Variants in CHODL observed in about 807,000 individuals in gnomAD.
CHODL encodes the protein chondrolectin.
Under a neutral mutation model 34.5 loss-of-function variants are expected in CHODL, and 29 were observed. That is an observed-to-expected ratio of 0.84 (90% confidence interval 0.63 to 1.15). CHODL has a LOEUF of 1.15. CHODL is among the 50% of genes most tolerant of loss of function. The pLI is 0.00. For synonymous variants in CHODL, 125 were observed against 116.1 expected, an observed-to-expected ratio of 1.08 and a Z score of -0.49; for missense variants, 332 against 332.5, an observed-to-expected ratio of 1.00 and a Z score of 0.01.
intron 2 of CHODL, among the ~76,000 whole-genome samples, chr21:18,112,413 A>T (rs1211150016): frequency 6.6e-6 from 1 of 152,196 alleles, no homozygotes; most frequent in Non-Finnish European, 1.5e-5. Context: ...TGAAAAAAAA[A>T]TCCAAAAATT....
chr21:17,994,963 C>A (rs1486335115), intron 1 of CHODL, among the ~76,000 whole-genome samples: 1 of 152,092 alleles, frequency 6.6e-6, no homozygotes, highest in Non-Finnish European at 1.5e-5. Flanking sequence ...CTTTGGCTTC[C>A]TTTGTTTGTG....
chr21:18,174,152 T>TATATATATATATAA (rs1568923201), intron 2 of CHODL, among the ~76,000 whole-genome samples: 33 of 125,818 alleles, frequency 2.6e-4, no homozygotes, highest in African/African-American at 9.5e-4. Flanking sequence ...TATATATATA[T>TATATATATATATAA]ATATATATAA....
chr21:18,046,972 A>C (rs1464114545), intron 2 of CHODL, among the ~76,000 whole-genome samples: 1 of 151,968 alleles, frequency 6.6e-6, no homozygotes, highest in Non-Finnish European at 1.5e-5. Flanking sequence ...CATAGAGTGT[A>C]ATGTCAGTTT....
chr21:17,928,316 A>G (rs1162244316), intron 1 of CHODL, among the ~76,000 whole-genome samples: 4 of 152,202 alleles, frequency 2.6e-5, no homozygotes, highest in Non-Finnish European at 2.9e-5. Context: ...AAGGTACAGT[A>G]TAGATCATTA....
intron 1 of CHODL, among the ~76,000 whole-genome samples, chr21:18,251,425 T>A (rs1216736735): frequency 1.1e-4 from 2 of 17,742 alleles, no homozygotes; most frequent in Non-Finnish European, 1.9e-4. Flanking sequence ...TTTATTTTAT[T>A]TATTTATTTT....
At chr21:18,116,299 TTCTC>T (rs147682135) in intron 2 of CHODL, among the ~76,000 whole-genome samples, 1 of 151,616 alleles carries the variant, frequency 6.6e-6, no homozygotes, top group Non-Finnish European at 1.5e-5. Flanking sequence ...TTAAACTTAT[TTCTC>T]TCTCTCTCTC....
At chr21:18,214,034 C>T (rs2073799518) in intron 2 of CHODL, among the ~76,000 whole-genome samples, 1 of 152,018 alleles carries the variant, frequency 6.6e-6, no homozygotes, top group Non-Finnish European at 1.5e-5. Flanking sequence ...AGTCTTTTCT[C>T]AAGAAGTTCA....
At chr21:17,968,808 G>A (rs995818959) in intron 1 of CHODL, among the ~76,000 whole-genome samples, 1 of 152,118 alleles carries the variant, frequency 6.6e-6, no homozygotes, top group African/African-American at 2.4e-5. Context: ...TATTCTTACT[G>A]TTGATTCCCC....
At chr21:18,028,573 C>T (rs999196092) in intron 2 of CHODL, among the ~76,000 whole-genome samples, 1 of 151,558 alleles carries the variant, frequency 6.6e-6, no homozygotes, top group African/African-American at 2.4e-5. Flanking sequence ...GTGGCAGGTG[C>T]TTGTAATCCC....
chr21:18,100,061 CAATT>C (rs2065193720), intron 2 of CHODL: 1 of 151,934 alleles, frequency 6.6e-6, no homozygotes, highest in East Asian at 1.9e-4. Flanking sequence ...AAAATAAAGA[CAATT>C]AAACAATCCA....
At chr21:18,197,081 C>T (rs558107965) in intron 2 of CHODL, among the ~76,000 whole-genome samples, 2 of 152,194 alleles carry the variant, frequency 1.3e-5, no homozygotes, top group South Asian at 4.1e-4. Flanking sequence ...TGTATATGTA[C>T]ATCAAAATAT....
chr21:17,925,865 A>G (rs1294298506), intron 1 of CHODL, among the ~76,000 whole-genome samples: 3 of 152,174 alleles, frequency 2.0e-5, no homozygotes, highest in Non-Finnish European at 4.4e-5. Context: ...GTTATTTTCA[A>G]AGTTTAGTAA....
chr21:17,977,762 C>CA (rs1348044397), intron 1 of CHODL, among the ~76,000 whole-genome samples: 1 of 148,840 alleles, frequency 6.7e-6, no homozygotes, highest in Non-Finnish European at 1.5e-5. Flanking sequence ...ACTAAAAATA[C>CA]AAAAAAGTTA....
intron 2 of CHODL, among the ~76,000 whole-genome samples, chr21:18,101,463 T>C (rs1458479333): frequency 6.6e-6 from 1 of 152,208 alleles, no homozygotes; most frequent in Non-Finnish European, 1.5e-5. Flanking sequence ...GTTTCTATTT[T>C]CTTATTCCTA....
intron 1 of CHODL, among the ~76,000 whole-genome samples, chr21:17,945,245 G>A (rs912048960): frequency 1.3e-5 from 2 of 148,184 alleles, no homozygotes; most frequent in Admixed American, 6.7e-5. Flanking sequence ...CTCCAATAAT[G>A]GAACCCAAAG....
upstream of CHODL, among the ~76,000 whole-genome samples, chr21:18,241,657 G>T (rs2074083505): frequency 6.6e-6 from 1 of 152,132 alleles, no homozygotes; most frequent in South Asian, 2.1e-4. Context: ...CGTATTGATG[G>T]GCGCATGAAG....
intron 2 of CHODL, among the ~76,000 whole-genome samples, chr21:18,057,431 T>G (rs1234174335): frequency 6.6e-6 from 1 of 152,088 alleles, no homozygotes; most frequent in Non-Finnish European, 1.5e-5. Context: ...ACCCCACACA[T>G]TCACAGCCTC....
intron 1 of CHODL, among the ~76,000 whole-genome samples, chr21:17,945,347 A>G (rs572167523): frequency 1.3e-5 from 2 of 152,258 alleles, no homozygotes; most frequent in East Asian, 3.9e-4. Context: ...TAGATTTCTA[A>G]AATTTCTAAA....
intron 2 of CHODL, among the ~76,000 whole-genome samples, chr21:18,117,944 ACT>A (rs145884913): frequency 5.2e-4 from 79 of 152,226 alleles, no homozygotes; most frequent in African/African-American, 1.6e-3. Flanking sequence ...TTTTCAGGTA[ACT>A]CTAAAGAAAC....
Sources: gnomAD v4.1 joint callset for allele counts (sites outside exome capture counted in the v4.1 genomes callset) on GRCh38, gnomAD v4.1.1 for gene constraint, MANE v1.5 for transcripts, NCBI Gene and HGNC (gene_info 2026-07-23, HGNC 2026-07-21) for gene names.